SCFD2: variants seen among roughly 807,000 people sequenced by gnomAD.
SCFD2 encodes the protein sec1 family domain containing 2, also known as sec1 family domain-containing protein 2.
Under a neutral mutation model 58.9 loss-of-function variants are expected in SCFD2, and 54 were observed. That is an observed-to-expected ratio of 0.92 (90% CI 0.74 to 1.15). SCFD2 has a LOEUF of 1.15. SCFD2 is among the 50% of genes most tolerant of loss of function. The probability of loss-of-function intolerance (pLI) is 0.00; values close to 1 mark genes in which losing one functional copy is unlikely to be tolerated. For missense variants in SCFD2, 805 were observed against 836.6 expected (o/e 0.96, Z 0.47); for synonymous variants, 321 against 335.9 (o/e 0.96, Z 0.49).
chr4:53,113,991 T>C (rs1461221038), intron 5 of SCFD2, among the ~76,000 whole-genome samples: 2 of 150,350 alleles, frequency 1.3e-5, no homozygotes, highest in East Asian at 3.9e-4. Flanking sequence ...CTTAGTGTAA[T>C]GGTTAGGAGC....
At position 53,146,252 on chromosome 4, in the gene SCFD2, T is replaced by A. The variant is rs545604589; in HGVS notation, c.1312-670A>T. ...TGATATTTAGCAGAGGATTTCAAAA[T>A]TCTTTGAATGTGATAATAGCACTGT... On this transcript the variant is annotated intron_variant, in intron 4 of 8. Transcript: ENST00000401642. 3.3e-4 allele frequency among the ~76,000 whole-genome samples: 51 copies of A among 152,338 alleles called. No homozygotes were observed. In the South Asian group the frequency reaches 9.5e-3, roughly 28 times the overall value.
chr4:53,199,155 G>C (rs1728149907), intron 4 of SCFD2, among the ~76,000 whole-genome samples: 1 of 152,060 alleles, frequency 6.6e-6, no homozygotes, highest in South Asian at 2.1e-4. Flanking sequence ...TCCCTCTAAA[G>C]GCAAGCACTT....
At chr4:53,200,052 G>T (rs1728182956) in intron 4 of SCFD2, among the ~76,000 whole-genome samples, 1 of 152,026 alleles carries the variant, frequency 6.6e-6, no homozygotes, top group African/African-American at 2.4e-5. Context: ...CCACCCTCAT[G>T]ACCTCATGTA....
At chr4:53,013,966 A>C (rs971850944) in intron 5 of SCFD2, among the ~76,000 whole-genome samples, 13 of 152,230 alleles carry the variant, frequency 8.5e-5, no homozygotes, top group African/African-American at 3.1e-4. Flanking sequence ...TCCCATACAG[A>C]GATGCTATAT....
chr4:52,891,908 A>G (rs564578220), intron 7 of SCFD2, among the ~76,000 whole-genome samples: 5 of 152,242 alleles, frequency 3.3e-5, no homozygotes, highest in African/African-American at 7.2e-5. Flanking sequence ...CTCTTGCTCA[A>G]CTTGCTCCAT....
chr4:52,881,692 T>C (rs886951310), intron 8 of SCFD2, among the ~76,000 whole-genome samples: 1 of 152,186 alleles, frequency 6.6e-6, no homozygotes, highest in Non-Finnish European at 1.5e-5. Context: ...ATAATAGCAA[T>C]AGATACAAAA....
At chr4:53,098,612 C>T (rs1224106991) in intron 5 of SCFD2, among the ~76,000 whole-genome samples, 2 of 152,058 alleles carry the variant, frequency 1.3e-5, no homozygotes, top group African/African-American at 2.4e-5. Flanking sequence ...TTAGAGACTG[C>T]TCTAACTGTT....
At chr4:53,233,613 AT>A (rs1729506743) in intron 4 of SCFD2, among the ~76,000 whole-genome samples, 3 of 152,116 alleles carry the variant, frequency 2.0e-5, no homozygotes, top group Non-Finnish European at 4.4e-5. Flanking sequence ...TTCGACTCTC[AT>A]TTTCTGATCA....
intron 4 of SCFD2, among the ~76,000 whole-genome samples, chr4:53,151,034 C>G (rs1726490424): frequency 6.6e-6 from 1 of 152,160 alleles, no homozygotes; most frequent in South Asian, 2.1e-4. Flanking sequence ...CTCCCACCTG[C>G]TACCCCACAG....
At chr4:52,918,094 C>G (rs1446847652) in intron 6 of SCFD2, among the ~76,000 whole-genome samples, 3 of 152,196 alleles carry the variant, frequency 2.0e-5, no homozygotes, top group African/African-American at 7.2e-5. Flanking sequence ...GAGCCCAGGA[C>G]ATCTCAATCA....
intron 4 of SCFD2, among the ~76,000 whole-genome samples, chr4:53,217,495 G>A (rs1188437621): frequency 6.6e-6 from 1 of 152,032 alleles, no homozygotes; most frequent in East Asian, 1.9e-4. Flanking sequence ...CATTTGCTTG[G>A]TAGATCTTCC....
chr4:52,956,363 C>T (rs1254604767), intron 5 of SCFD2: 1 of 380,380 alleles, frequency 2.6e-6, no homozygotes, highest in Non-Finnish European at 5.2e-6. Flanking sequence ...CTTTTTATGG[C>T]AAGTGACAGA....
intron 5 of SCFD2, among the ~76,000 whole-genome samples, chr4:52,967,928 G>A (rs1056267379): frequency 6.6e-6 from 1 of 152,154 alleles, no homozygotes; most frequent in Admixed American, 6.5e-5. Flanking sequence ...TTCAGCCGGG[G>A]TCCTCTCAGT....
In SCFD2 at chr4:53,241,726, A is replaced by G. The variant is rs1387322781; in HGVS notation, c.1311+32100T>C. Among the ~76,000 whole-genome samples the G allele has an allele frequency of 3.3e-5, 5 of 152,150 alleles. No homozygotes were observed. The East Asian group carries it at 7.7e-4, about 23-fold the overall frequency. Reference sequence around the variant, plus strand: ...ATGTGTGTGTGCACCCTGTCATGCCACTGCTGCCAGTGAGAGTTCACTCCC... The same window carrying G: ...ATGTGTGTGTGCACCCTGTCATGCCGCTGCTGCCAGTGAGAGTTCACTCCC... On this transcript the variant is annotated intron_variant, in intron 4 of 8. Transcript: ENST00000401642.
chr4:53,302,173 C>G (rs1197336971), intron 3 of SCFD2, among the ~76,000 whole-genome samples: 1 of 152,206 alleles, frequency 6.6e-6, no homozygotes, highest in Non-Finnish European at 1.5e-5. Context: ...TCCCTGTTTG[C>G]AGATGACATG....
At chr4:52,934,758 A>C (rs1720093785) in intron 5 of SCFD2, among the ~76,000 whole-genome samples, 1 of 152,250 alleles carries the variant, frequency 6.6e-6, no homozygotes, top group Non-Finnish European at 1.5e-5. Context: ...AAGGAAGTTC[A>C]TGGCAATATT....
chr4:53,336,609 C>G (rs1560454348), intron 2 of SCFD2, among the ~76,000 whole-genome samples: 1 of 152,066 alleles, frequency 6.6e-6, no homozygotes, highest in Non-Finnish European at 1.5e-5. Context: ...ACCGTAGCCT[C>G]GAACTCCTGG....
intron 4 of SCFD2, among the ~76,000 whole-genome samples, chr4:53,223,312 G>C (rs1173871143): frequency 6.6e-6 from 1 of 152,184 alleles, no homozygotes; most frequent in Non-Finnish European, 1.5e-5. Flanking sequence ...CAGATAGTAA[G>C]ATTGCTTTAA....
intron 5 of SCFD2, among the ~76,000 whole-genome samples, chr4:52,990,612 A>G (rs1315273367): frequency 6.6e-6 from 1 of 152,226 alleles, no homozygotes; most frequent in Non-Finnish European, 1.5e-5. Flanking sequence ...TGTAAAGTAC[A>G]AAGTTAAAAC....
Sources: allele counts gnomAD v4.1 joint callset (sites outside exome capture counted in the v4.1 genomes callset), GRCh38; gene constraint gnomAD v4.1.1; transcripts MANE v1.5; gene names NCBI Gene and HGNC (gene_info 2026-07-23, HGNC 2026-07-21).